The following CERT1 variants were observed in gnomAD, a reference collection of about 807,000 sequenced individuals.
CERT1 encodes ceramide transporter 1, also known as ceramide transfer protein.
In CERT1, 31 loss-of-function variants were observed where a neutral mutation model predicts 87.9. That is an observed-to-expected ratio of 0.35 (90% CI 0.27 to 0.48). CERT1 has a LOEUF of 0.48. CERT1 is among the 20% of genes least tolerant of loss of function. The pLI is 0.99. For missense variants in CERT1, 487 were observed against 758.0 expected, an observed-to-expected ratio of 0.64 and a Z score of 4.20; for synonymous variants, 289 against 250.9, an observed-to-expected ratio of 1.15 and a Z score of -1.44.
chr5:75,427,695 A>G (rs1242837091), intron 3 of CERT1, among the ~76,000 whole-genome samples: 2 of 152,186 alleles, frequency 1.3e-5, no homozygotes, highest in Non-Finnish European at 2.9e-5. Flanking sequence ...TCATGGTTTG[A>G]CTGATTTCAA....
intron 2 of CERT1, among the ~76,000 whole-genome samples, chr5:75,496,823 T>C (rs1290304073): frequency 2.0e-5 from 3 of 152,182 alleles, no homozygotes; most frequent in Non-Finnish European, 4.4e-5. Flanking sequence ...AGAAGAGAAC[T>C]ATCTGGGAGG....
intron 3 of CERT1, among the ~76,000 whole-genome samples, chr5:75,447,771 GCCT>G (rs917600571): frequency 1.1e-4 from 17 of 151,562 alleles, no homozygotes; most frequent in Admixed American, 4.6e-4. Context: ...ACCACACCCG[GCCT>G]CCTTTTTTTT....
intron 2 of CERT1, among the ~76,000 whole-genome samples, chr5:75,466,887 T>A (rs894886746): frequency 2.6e-5 from 4 of 152,232 alleles, no homozygotes; most frequent in Non-Finnish European, 5.9e-5. Context: ...CCACAACTGT[T>A]TGAACAATTT....
intron 2 of CERT1, among the ~76,000 whole-genome samples, chr5:75,465,267 A>G (rs1765411602): frequency 6.6e-6 from 1 of 152,208 alleles, no homozygotes; most frequent in Non-Finnish European, 1.5e-5. Context: ...GACACTTAGC[A>G]CCACCATCAC....
chr5:75,395,406 G>A (rs1159339679), intron 11 of CERT1, among the ~76,000 whole-genome samples: 1 of 152,000 alleles, frequency 6.6e-6, no homozygotes, highest in Non-Finnish European at 1.5e-5. Flanking sequence ...TTAGTTGGGT[G>A]TGGTGGAATG....
intron 16 of CERT1, among the ~76,000 whole-genome samples, chr5:75,380,551 G>A (rs1229965002): frequency 6.6e-6 from 1 of 152,058 alleles, no homozygotes; most frequent in Non-Finnish European, 1.5e-5. Context: ...CACTTTGGGA[G>A]GCCGAGGTGG....
intron 2 of CERT1, among the ~76,000 whole-genome samples, chr5:75,500,534 A>G (rs1295907533): frequency 6.6e-6 from 1 of 152,200 alleles, no homozygotes; most frequent in Admixed American, 6.5e-5. Context: ...GAACTGCTAA[A>G]CAGATAAATT....
intron 8 of CERT1, among the ~76,000 whole-genome samples, chr5:75,406,789 C>G (rs1207990657): frequency 6.6e-6 from 1 of 152,086 alleles, no homozygotes; most frequent in Non-Finnish European, 1.5e-5. Context: ...AGGTGATCTG[C>G]CCGCCTCGGC....
intron 2 of CERT1, among the ~76,000 whole-genome samples, chr5:75,481,563 A>C (rs2112391869): frequency 6.6e-6 from 1 of 152,350 alleles, no homozygotes; most frequent in Admixed American, 6.5e-5. Context: ...AGACTCCCAA[A>C]GTCAGTCTGA....
chr5:75,495,771 C>A (rs1056897438), intron 2 of CERT1, among the ~76,000 whole-genome samples: 1 of 152,038 alleles, frequency 6.6e-6, no homozygotes, highest in Non-Finnish European at 1.5e-5. Context: ...TGCCTCTATA[C>A]ACAAAACATA....
rs1284975484 is a variant in CERT1 at position 75,378,142 on chromosome 5, G to A, written c.*1204C>T. 2 of 152,230 alleles carry A rather than the reference G, an allele frequency of 1.3e-5. No individual in the cohort carries two copies. The highest frequency in any genetic ancestry group is 1.9e-4 in the East Asian group (1 of 5,192). The allele number at this position is 152,230 out of a possible 1,614,324, so 9.4% of individuals were successfully genotyped here. A position where few individuals can be genotyped will look rare whatever the true frequency, so the allele number is the denominator to read the frequency against. ...TTTAAAAAGTTAAAGATTTTGGGCT[G>A]AGTGCAGTGGCTCACGCCTGTAAAC... is the stretch of plus-strand genomic sequence containing the variant. On this transcript the variant is annotated 3_prime_UTR_variant, in exon 17 of 17. Transcript: ENST00000643780.
At chr5:75,410,434 C>G (rs1031913439) in intron 8 of CERT1, among the ~76,000 whole-genome samples, 5 of 151,744 alleles carry the variant, frequency 3.3e-5, no homozygotes, top group African/African-American at 1.2e-4. Context: ...ATGGTGAAAC[C>G]CCGTCTCTAC....
chr5:75,457,896 G>C (rs1426678464), intron 3 of CERT1, among the ~76,000 whole-genome samples: 1 of 149,636 alleles, frequency 6.7e-6, no homozygotes, highest in African/African-American at 2.5e-5. Context: ...TTGGGTGTAT[G>C]GGTATAGGCG....
At chr5:75,429,122 C>T (rs1561256192) in intron 3 of CERT1, among the ~76,000 whole-genome samples, 1 of 150,410 alleles carries the variant, frequency 6.6e-6, no homozygotes, top group Non-Finnish European at 1.5e-5. Flanking sequence ...CTCCAGCCTA[C>T]AGTACATAAA....
Position 75,386,052 on chromosome 5 carries a change from C to A in CERT1, c.1285-18G>T. 1.4e-6 allele frequency: 2 copies of A among 1,450,016 alleles called. No homozygotes were observed. The highest frequency in any genetic ancestry group is 9.1e-7 in the Non-Finnish European group (1 of 1,097,742). The allele number at this position is 1,450,016 out of a possible 1,614,324, so 89.8% of individuals were successfully genotyped here. A position where few individuals can be genotyped will look rare whatever the true frequency, so the allele number is the denominator to read the frequency against. ...CTGTATACCTAAAGAGAACATAATTCCAAAACTGTTTGAAAATTAAAAATC... is the reference window on the plus strand; with the variant it reads ...CTGTATACCTAAAGAGAACATAATTACAAAACTGTTTGAAAATTAAAAATC... On this transcript the variant is annotated intron_variant, in intron 12 of 16. Transcript: ENST00000643780.
intron 1 of CERT1, among the ~76,000 whole-genome samples, 195 bp from the exon 2 acceptor site, chr5:75,506,311 TA>T (rs2112475627): frequency 6.6e-6 from 1 of 152,368 alleles, no homozygotes; most frequent in South Asian, 2.1e-4. Context: ...TGATTTTCAG[TA>T]ATTTTTACAA....
At chr5:75,484,343 C>G (rs906874651) in intron 2 of CERT1, among the ~76,000 whole-genome samples, 9 of 146,058 alleles carry the variant, frequency 6.2e-5, no homozygotes, top group African/African-American at 2.3e-4. Flanking sequence ...AAAAAGAAGA[C>G]CACAAAATAA....
chr5:75,445,789 C>T (rs962325164), intron 3 of CERT1, among the ~76,000 whole-genome samples: 2 of 152,174 alleles, frequency 1.3e-5, no homozygotes, highest in Non-Finnish European at 2.9e-5. Context: ...GCCACCATGC[C>T]TGGCTCCACA....
intron 2 of CERT1, among the ~76,000 whole-genome samples, chr5:75,471,539 T>C (rs552117764): frequency 2.1e-4 from 32 of 151,908 alleles, no homozygotes; most frequent in African/African-American, 7.0e-4. Context: ...GGCAGGCAGA[T>C]CATGAGGTCA....
Sources: gnomAD v4.1 joint callset for allele counts (sites outside exome capture counted in the v4.1 genomes callset) on GRCh38, gnomAD v4.1.1 for gene constraint, MANE v1.5 for transcripts, NCBI Gene and HGNC (gene_info 2026-07-23, HGNC 2026-07-21) for gene names.